PLD5: variants seen among roughly 807,000 people sequenced by gnomAD.
PLD5 encodes inactive phospholipase D5.
PLD5 carries 36 observed loss-of-function variants against 61.1 expected under a neutral mutation model. The observed-to-expected ratio is 0.59, with a 90% CI of 0.45 to 0.78. PLD5 has a LOEUF of 0.78. Ranked by LOEUF, PLD5 falls within the 30% of genes least tolerant of loss-of-function variation. The pLI, the probability that PLD5 is intolerant of heterozygous loss-of-function variation, is 0.00. For synonymous variants in PLD5, 243 were observed against 242.8 expected (o/e 1.00, Z -0.01); for missense variants, 515 against 644.4 (o/e 0.80, Z 2.17).
At chr1:242,108,933 A>G (rs930994061) in intron 7 of PLD5, among the ~76,000 whole-genome samples, 2 of 152,080 alleles carry the variant, frequency 1.3e-5, no homozygotes, top group Non-Finnish European at 2.9e-5. Context: ...TTGCCTGCCC[A>G]GCCTCATCTC....
At chr1:242,203,448 G>T (rs1327414416) in intron 5 of PLD5, 1 of 152,274 alleles carries the variant, frequency 6.6e-6, no homozygotes, top group African/African-American at 2.4e-5. Flanking sequence ...GTTCCCTCCA[G>T]ATCTCATGTT....
At chr1:242,287,541 T>C (rs756285187) in intron 3 of PLD5, among the ~76,000 whole-genome samples, 21 of 152,210 alleles carry the variant, frequency 1.4e-4, no homozygotes, top group Non-Finnish European at 2.8e-4. Flanking sequence ...ATAGATTCAA[T>C]AGCTTTCAAA....
At chr1:242,167,993 T>A (rs1666451201) in intron 5 of PLD5, among the ~76,000 whole-genome samples, 1 of 152,196 alleles carries the variant, frequency 6.6e-6, no homozygotes, top group Non-Finnish European at 1.5e-5. Flanking sequence ...ATTTTCAAAA[T>A]GCACATGCTG....
intron 4 of PLD5, among the ~76,000 whole-genome samples, chr1:242,220,563 A>G (rs59439310): frequency 0.3 from 46,077 of 151,806 alleles, 7,280 homozygotes; most frequent in East Asian, 0.53. Flanking sequence ...TCTCCTCAAT[A>G]AGACGTTGGC....
At chr1:242,343,381 G>T (rs1446385397) in intron 2 of PLD5, among the ~76,000 whole-genome samples, 1 of 152,186 alleles carries the variant, frequency 6.6e-6, no homozygotes, top group East Asian at 1.9e-4. Context: ...AGCATCATGG[G>T]GTAGAGTTAG....
intron 1 of PLD5, among the ~76,000 whole-genome samples, chr1:242,401,329 C>T (rs1446532041): frequency 6.6e-6 from 1 of 152,130 alleles, no homozygotes; most frequent in Non-Finnish European, 1.5e-5. Context: ...GTTGCAACAG[C>T]CTTCTGTGTC....
At chr1:242,349,041 G>T (rs1013621979) in intron 1 of PLD5, among the ~76,000 whole-genome samples, 1 of 152,120 alleles carries the variant, frequency 6.6e-6, no homozygotes, top group African/African-American at 2.4e-5. Flanking sequence ...GTGACAGAGC[G>T]AGACTCCATC....
chr1:242,344,621 A>G (rs1161409519), intron 2 of PLD5, among the ~76,000 whole-genome samples: 2 of 152,214 alleles, frequency 1.3e-5, no homozygotes, highest in Admixed American at 1.3e-4. Context: ...GCATGGGTTT[A>G]TACAATTTAC....
intron 1 of PLD5, among the ~76,000 whole-genome samples, chr1:242,507,255 T>C (rs1668758081): frequency 6.6e-6 from 1 of 152,194 alleles, no homozygotes; most frequent in African/African-American, 2.4e-5. Flanking sequence ...TTTAATGTAT[T>C]TGGTCTAAAT....
chr1:242,334,230 T>C (rs1437842891), intron 2 of PLD5, among the ~76,000 whole-genome samples: 2 of 152,114 alleles, frequency 1.3e-5, no homozygotes, highest in African/African-American at 4.8e-5. Flanking sequence ...GCTACAGTGA[T>C]TCATAATCAA....
At chr1:242,409,079 AAG>A in intron 1 of PLD5, among the ~76,000 whole-genome samples, 1 of 140,276 alleles carries the variant, frequency 7.1e-6, no homozygotes, top group Non-Finnish European at 1.5e-5. Flanking sequence ...AAAAAAAGAA[AAG>A]AAAAGAAAAG....
chr1:242,091,089 C>G (rs921678875), intron 9 of PLD5, among the ~76,000 whole-genome samples: 11 of 151,940 alleles, frequency 7.2e-5, no homozygotes, highest in African/African-American at 2.2e-4. Flanking sequence ...TATTGTCTTC[C>G]CTCTATGCAT....
Position 242,496,434 on chromosome 1 carries a change from A to G in PLD5, c.189+27654T>C, listed in dbSNP as rs141078615. Among the ~76,000 whole-genome samples the G allele has an allele frequency of 3.2e-3, 486 of 152,336 alleles. 3 individuals carry two copies. Among genetic ancestry groups the G allele is most frequent in the African/African-American group, 0.011 (463 of 41,588 alleles). The stretch of plus-strand genomic sequence containing the variant: ...TTTGCTATTTAATGTCATATAAGGT[A>G]ATGATTTAATAGCTTCTACCACAGC... On this transcript the variant is annotated intron_variant, in intron 1 of 9. Transcript: ENST00000536534.
At chr1:242,493,481 G>A (rs965371923) in intron 1 of PLD5, among the ~76,000 whole-genome samples, 2 of 152,206 alleles carry the variant, frequency 1.3e-5, no homozygotes, top group Non-Finnish European at 2.9e-5. Flanking sequence ...TGCAGAAGAG[G>A]AGGGCCAGAA....
At chr1:242,267,430 TTTTAG>T (rs1329646427) in intron 3 of PLD5, among the ~76,000 whole-genome samples, 2 of 152,186 alleles carry the variant, frequency 1.3e-5, no homozygotes, top group Non-Finnish European at 2.9e-5. Flanking sequence ...GGAGGCTTCC[TTTTAG>T]TTTAAACAAG....
intron 5 of PLD5, among the ~76,000 whole-genome samples, chr1:242,177,216 CATGGAATACT>C (rs1667212406): frequency 6.6e-6 from 1 of 152,100 alleles, no homozygotes; most frequent in African/African-American, 2.4e-5. Flanking sequence ...ACATATATAC[CATGGAATACT>C]ATGGAGCCAT....
chr1:242,096,098 ACAGG>A (rs1660202298), intron 9 of PLD5, among the ~76,000 whole-genome samples: 1 of 151,842 alleles, frequency 6.6e-6, no homozygotes, highest in South Asian at 2.1e-4. Flanking sequence ...AGCTGGGAAT[ACAGG>A]TGCCCGCCAC....
intron 5 of PLD5, among the ~76,000 whole-genome samples, chr1:242,214,249 T>A (rs1281877963): frequency 6.6e-6 from 1 of 152,208 alleles, no homozygotes; most frequent in African/African-American, 2.4e-5. Context: ...TCCATCACTC[T>A]ATCTGGGCTT....
chr1:242,461,803 T>A (rs767048700), intron 1 of PLD5, among the ~76,000 whole-genome samples: 2 of 152,228 alleles, frequency 1.3e-5, no homozygotes, highest in Non-Finnish European at 2.9e-5. Flanking sequence ...TGAGATGGTA[T>A]CTGGTTGTGG....
Sources: gnomAD v4.1 joint callset for allele counts (sites outside exome capture counted in the v4.1 genomes callset) on GRCh38, gnomAD v4.1.1 for gene constraint, MANE v1.5 for transcripts, NCBI Gene and HGNC (gene_info 2026-07-23, HGNC 2026-07-21) for gene names.